PCDHGA9: variants seen among roughly 807,000 people sequenced by gnomAD.
PCDHGA9 encodes the protein protocadherin gamma subfamily A, 9.
In PCDHGA9, 37 loss-of-function variants were observed where a neutral mutation model predicts 62.5. The observed-to-expected ratio is 0.59, with a 90% CI of 0.46 to 0.78. The LOEUF (loss-of-function observed/expected upper bound fraction) is 0.78, where lower values mean the gene tolerates loss of function less well. Ranked by LOEUF, PCDHGA9 falls within the 30% of genes least tolerant of loss-of-function variation. The pLI is 0.00. For synonymous variants in PCDHGA9, 459 were observed against 484.6 expected, an observed-to-expected ratio of 0.95 and a Z score of 0.69; for missense variants, 1,138 against 1,166.2, an observed-to-expected ratio of 0.98 and a Z score of 0.35.
chr5:141,454,998 G>C (rs909142112), intron 1 of PCDHGA9, among the ~76,000 whole-genome samples: 27 of 151,220 alleles, frequency 1.8e-4, no homozygotes, highest in African/African-American at 5.8e-4. Context: ...ATTTTTAGTA[G>C]AGACGGGGTT....
At position 141,476,675 on chromosome 5, in the gene PCDHGA9, C is replaced by T. The variant is rs2099395961; in HGVS notation, c.2425-18132C>T. On this transcript the variant is annotated intron_variant, in intron 1 of 3. Transcript: ENST00000573521. The surrounding 1 kb of genome is among the most constrained non-coding windows in gnomAD (Gnocchi z 7.6). ...ATACTTTGCGCTTCGCGTGCAGACG[C>T]GGGAGGACAGCACCAAGTACGCGGA... 1.2e-6 allele frequency: 2 copies of T among 1,614,124 alleles called. No homozygotes were observed. The highest frequency in any genetic ancestry group is 8.5e-7 in the Non-Finnish European group (1 of 1,180,062).
chr5:141,478,352 G>T lies in PCDHGA9; in HGVS notation c.2425-16455G>T, dbSNP rs767743120. 36 of 1,613,674 alleles carry T rather than the reference G, an allele frequency of 2.2e-5. No homozygotes were observed. Among genetic ancestry groups the T allele is most frequent in the Non-Finnish European group, 3.1e-5 (36 of 1,180,016 alleles). On this transcript the variant is annotated intron_variant, in intron 1 of 3. Transcript: ENST00000573521. ...ACCAGGGCCCTCCTTGCACGCGGACGCCGTGCGGGGAGGCCTGATGTCGCC... is the reference window on the plus strand; with the variant it reads ...ACCAGGGCCCTCCTTGCACGCGGACTCCGTGCGGGGAGGCCTGATGTCGCC...
intron 1 of PCDHGA9, chr5:141,478,753 G>A (rs2099475642): frequency 2.0e-6 from 3 of 1,519,424 alleles, no homozygotes; most frequent in Admixed American, 2.1e-5. Context: ...ATTTCAGGGG[G>A]AAGATACTTG....
chr5:141,486,617 C>A lies in PCDHGA9; in HGVS notation c.2425-8190C>A. On this transcript the variant is annotated intron_variant, in intron 1 of 3. Coordinates refer to ENST00000573521, the MANE Select transcript of PCDHGA9 (RefSeq NM_018921.3). The surrounding 1 kb of genome is among the most constrained non-coding windows in gnomAD (Gnocchi z 5.0). The stretch of plus-strand genomic sequence containing the variant: ...GCTTTGCTCCCTTGCAGCCTCTGAC[C>A]CAGACTCTGGCTTGAATGCGCTTAT... The A allele has an allele frequency of 1.2e-6, 2 of 1,613,602 alleles. No homozygotes were observed. The highest frequency in any genetic ancestry group is 2.2e-5 in the East Asian group (1 of 44,874).
Position 141,404,877 on chromosome 5 carries a change from T to A in PCDHGA9, c.1925T>A (p.Leu642His), listed in dbSNP as rs1242099855. Residue 642 changes from leucine to histidine, a missense_variant, in exon 1 of 4, where the codon CTT becomes CAT. Transcript: ENST00000573521. ...GATAGAGATGCGCTCAAACAGAGCCTTGTGGTGGCTGTACAGGACCATGGC... is the reference window on the plus strand; with the variant it reads ...GATAGAGATGCGCTCAAACAGAGCCATGTGGTGGCTGTACAGGACCATGGC... ...LLDRDALKQS[L>H]VVAVQDHGQP... is the part of the protein sequence containing the mutation. 1.2e-6 allele frequency: 2 copies of A among 1,613,738 alleles called. No individual in the cohort carries two copies. Among genetic ancestry groups the A allele is most frequent in the Non-Finnish European group, 1.7e-6 (2 of 1,179,884 alleles).
intron 1 of PCDHGA9, among the ~76,000 whole-genome samples, chr5:141,494,135 GTCAC>G (rs1365926534): frequency 3.3e-5 from 5 of 152,202 alleles, no homozygotes; most frequent in Admixed American, 6.5e-5. Flanking sequence ...CTTCTCCTTA[GTCAC>G]AGACCATTGT....
chr5:141,492,230 C>T (rs1286145654), intron 1 of PCDHGA9, among the ~76,000 whole-genome samples: 1 of 152,196 alleles, frequency 6.6e-6, no homozygotes. Flanking sequence ...CGTGTCCTCC[C>T]TGCTGGCCAC....
intron 1 of PCDHGA9, chr5:141,471,252 T>A (rs1003162914): frequency 6.6e-6 from 1 of 151,872 alleles, no homozygotes; most frequent in Admixed American, 6.6e-5. Flanking sequence ...GGTTTCACCA[T>A]GTTGGCAAGG....
rs1213653891 is a variant in PCDHGA9 at position 141,419,687 on chromosome 5, C to T, written c.2424+14311C>T. 1.9e-6 allele frequency: 3 copies of T among 1,612,692 alleles called. No individual in the cohort carries two copies. In the African/African-American group the frequency reaches 4.0e-5, roughly 22 times the overall value. On this transcript the variant is annotated intron_variant, in intron 1 of 3. Transcript: ENST00000573521. ...TGCCTGGCTGTCCTACCACGTGGTG[C>T]AGGCCAGTGAGCCCGGGCTCTTCAG...
chr5:141,415,502 A>T, intron 1 of PCDHGA9: 1 of 1,614,204 alleles, frequency 6.2e-7, no homozygotes, highest in African/African-American at 1.3e-5. Flanking sequence ...ATCTTCCCCC[A>T]GCCCAATTAT....
At chr5:141,415,462 C>T in intron 1 of PCDHGA9, 1 of 1,614,220 alleles carries the variant, frequency 6.2e-7, no homozygotes. Context: ...CGAGGTCTCT[C>T]TCACCGCGGA....
Position 141,477,395 on chromosome 5 carries a change from A to G in PCDHGA9, c.2425-17412A>G. The G allele has an allele frequency of 1.9e-6, 3 of 1,614,126 alleles. No individual in the cohort carries two copies. The highest frequency in any genetic ancestry group is 1.3e-5 in the African/African-American group (1 of 75,020). ...GACTGTGCCAGAATACAACCTCAGC[A>G]TCACCGCCCGAGACGCCGGAACCCC... On this transcript the variant is annotated intron_variant, in intron 1 of 3. Transcript: ENST00000573521. The surrounding 1 kb of genome is among the most constrained non-coding windows in gnomAD (Gnocchi z 4.9).
chr5:141,511,007 G>A lies in PCDHGA9; in HGVS notation c.2633G>A (p.Arg878His), dbSNP rs780918754. The change falls in exon 4 of 4, where the codon CGC becomes CAC. Residue 878 changes from arginine to histidine, a missense_variant. Physicochemically the swap from Arg to His is conservative, Grantham distance 29 (BLOSUM62 0). Transcript: ENST00000573521. ...GCCGGCACCATGGGATTGAGCGCCC[G>A]CTACGGACCCCAGTTCACCCTGCAG... is the stretch of plus-strand genomic sequence containing the variant. ...GGAGTMGLSA[R>H]YGPQFTLQHV... 1.9e-6 allele frequency: 3 copies of A among 1,614,158 alleles called. No individual in the cohort carries two copies. Among genetic ancestry groups the A allele is most frequent in the East Asian group, 4.5e-5 (2 of 44,890 alleles).
intron 1 of PCDHGA9, chr5:141,410,849 C>CTTTTTTTTTTTTTTTTTTGTTTTTTTT (rs2095435748): frequency 1.5e-5 from 2 of 129,786 alleles, no homozygotes; most frequent in Non-Finnish European, 2.6e-5. Context: ...TTGTCTTTGT[C>CTTTTTTTTTTTTTTTTTTGTTTTTTTT]TTTTTTTTTT....
At chr5:141,425,756 A>G (rs1282506394) in intron 1 of PCDHGA9, among the ~76,000 whole-genome samples, 1 of 152,228 alleles carries the variant, frequency 6.6e-6, no homozygotes, top group Non-Finnish European at 1.5e-5. Flanking sequence ...TTTTTGTTCT[A>G]CAACAGGAGA....
intron 1 of PCDHGA9, among the ~76,000 whole-genome samples, chr5:141,483,024 G>A (rs1210804345): frequency 6.6e-6 from 1 of 152,094 alleles, no homozygotes; most frequent in Non-Finnish European, 1.5e-5. Context: ...GGCAGAGGTT[G>A]CAATGAGCTG....
intron 1 of PCDHGA9, chr5:141,430,537 A>T (rs1270804825): frequency 7.8e-6 from 3 of 385,890 alleles, no homozygotes; most frequent in African/African-American, 2.1e-5. Flanking sequence ...TAGGACTCTG[A>T]GCGCCGCTGT....
intron 1 of PCDHGA9, among the ~76,000 whole-genome samples, chr5:141,461,768 C>T (rs532591390): frequency 1.3e-5 from 2 of 152,016 alleles, no homozygotes; most frequent in African/African-American, 4.8e-5. Context: ...ATTCTCCTGC[C>T]TCAGCCTCCC....
At chr5:141,494,954 G>A in intron 2 of PCDHGA9, 89 bp downstream of exon 2, 2 of 1,601,116 alleles carry the variant, frequency 1.2e-6, no homozygotes. Context: ...CCCAGCATTT[G>A]CTACAGATGG....
Sources: allele counts gnomAD v4.1 joint callset (sites outside exome capture counted in the v4.1 genomes callset), GRCh38; gene constraint gnomAD v4.1.1; non-coding constraint Gnocchi (gnomAD v3.1); transcripts MANE v1.5; gene names NCBI Gene and HGNC (gene_info 2026-07-23, HGNC 2026-07-21).